The following HCN1 variants were observed in gnomAD, a reference collection of about 807,000 sequenced individuals.
The protein encoded by HCN1 is hyperpolarization activated cyclic nucleotide gated potassium channel 1.
HCN1 carries 13 observed loss-of-function variants against 78.9 expected under a neutral mutation model. The observed-to-expected ratio is 0.16, with a 90% confidence interval of 0.11 to 0.26. The LOEUF (loss-of-function observed/expected upper bound fraction) is 0.26. Ranked by LOEUF, HCN1 falls within the 10% of genes least tolerant of loss-of-function variation. The pLI is 1.00. For synonymous variants in HCN1, 552 were observed against 455.5 expected (o/e 1.21, Z -2.70); for missense variants, 810 against 1,154.3 (o/e 0.70, Z 4.32).
At chr5:45,610,329 T>A (rs1164845919) in intron 2 of HCN1, among the ~76,000 whole-genome samples, 4 of 151,944 alleles carry the variant, frequency 2.6e-5, no homozygotes, top group Non-Finnish European at 5.9e-5. Context: ...TATGTCTGCA[T>A]AACAATAAAT....
intron 2 of HCN1, among the ~76,000 whole-genome samples, chr5:45,479,764 G>A (rs2111671684): frequency 6.6e-6 from 1 of 152,214 alleles, no homozygotes; most frequent in South Asian, 2.1e-4. Context: ...TTAACCCATT[G>A]GAAATATCCT....
At chr5:45,682,963 T>G (rs1322414158) in intron 1 of HCN1, among the ~76,000 whole-genome samples, 1 of 152,110 alleles carries the variant, frequency 6.6e-6, no homozygotes, top group African/African-American at 2.4e-5. Flanking sequence ...TTTTCAATAT[T>G]TGTAAAATAT....
At chr5:45,390,992 G>T (rs778907252) in intron 4 of HCN1, among the ~76,000 whole-genome samples, 2 of 152,014 alleles carry the variant, frequency 1.3e-5, no homozygotes, top group African/African-American at 4.8e-5. Flanking sequence ...GATCTCCCTC[G>T]CCTGAGAACG....
chr5:45,657,535 T>G (rs1305675377), intron 1 of HCN1, among the ~76,000 whole-genome samples: 1 of 152,176 alleles, frequency 6.6e-6, no homozygotes, highest in East Asian at 1.9e-4. Context: ...ATTTATAAAT[T>G]TACTAAGTTC....
chr5:45,292,692 A>G (rs1181908374), intron 6 of HCN1, among the ~76,000 whole-genome samples: 2 of 152,016 alleles, frequency 1.3e-5, no homozygotes, highest in East Asian at 1.9e-4. Context: ...AAGAATGAGA[A>G]TAATATTAAA....
chr5:45,671,942 G>A (rs962545321), intron 1 of HCN1, among the ~76,000 whole-genome samples: 2 of 151,476 alleles, frequency 1.3e-5, no homozygotes, highest in African/African-American at 2.4e-5. Context: ...ATTCACATAA[G>A]ATATTTACGC....
At chr5:45,264,697 C>G (rs1404003470) in intron 7 of HCN1, among the ~76,000 whole-genome samples, 1 of 151,988 alleles carries the variant, frequency 6.6e-6, no homozygotes, top group African/African-American at 2.4e-5. Flanking sequence ...GCCACAAAAC[C>G]GAGAAGCATA....
intron 2 of HCN1, among the ~76,000 whole-genome samples, chr5:45,545,008 C>G (rs1743182430): frequency 6.6e-6 from 1 of 151,966 alleles, no homozygotes; most frequent in Non-Finnish European, 1.5e-5. Context: ...GTTCTAGATC[C>G]CTGAGGAATC....
intron 3 of HCN1, among the ~76,000 whole-genome samples, chr5:45,402,295 T>C (rs931836486): frequency 2.3e-4 from 35 of 152,164 alleles, no homozygotes; most frequent in Non-Finnish European, 4.0e-4. Context: ...GGAAGATTGA[T>C]CAGGCAGAAT....
chr5:45,283,602 C>T (rs1353800773), intron 6 of HCN1, among the ~76,000 whole-genome samples: 2 of 152,076 alleles, frequency 1.3e-5, no homozygotes, highest in African/African-American at 2.4e-5. Flanking sequence ...TACCATCTCA[C>T]ACTAGTCAGA....
chr5:45,632,265 A>C (rs1441938838), intron 2 of HCN1, among the ~76,000 whole-genome samples: 1 of 151,468 alleles, frequency 6.6e-6, no homozygotes, highest in Non-Finnish European at 1.5e-5. Context: ...CCTTGATCCA[A>C]TGCTAATGTT....
intron 5 of HCN1, among the ~76,000 whole-genome samples, chr5:45,351,257 G>T (rs1316634938): frequency 6.6e-6 from 1 of 150,968 alleles, no homozygotes; most frequent in Non-Finnish European, 1.5e-5. Flanking sequence ...ACAAACCTGA[G>T]AAAAACAAGC....
chr5:45,357,655 A>C (rs1214086993), intron 4 of HCN1, among the ~76,000 whole-genome samples: 4 of 151,976 alleles, frequency 2.6e-5, no homozygotes, highest in African/African-American at 9.7e-5. Context: ...TACCCTCTAG[A>C]TTTAGTTTCA....
Position 45,255,053 on chromosome 5 carries a change from A to G in HCN1, c.*6868T>C, listed in dbSNP as rs1198321160. 6.6e-6 allele frequency: 1 copy of G among 152,200 alleles called. No homozygotes were observed. Among genetic ancestry groups the G allele is most frequent in the African/African-American group, 2.4e-5 (1 of 41,444 alleles). The allele number at this position is 152,200 out of a possible 1,614,324, so 9.4% of individuals were successfully genotyped here. ...TTGTACTGATGTGATATTAAGAAAC[A>G]TTGCTAGCTATGGCACCAAAATTTA... On this transcript the variant is annotated 3_prime_UTR_variant, in exon 8 of 8. Transcript: ENST00000303230.
At chr5:45,498,004 TG>T (rs1742085399) in intron 2 of HCN1, among the ~76,000 whole-genome samples, 1 of 152,210 alleles carries the variant, frequency 6.6e-6, no homozygotes, top group South Asian at 2.1e-4. Flanking sequence ...CCTTTCTCTC[TG>T]GCTGCCCTTA....
chr5:45,323,892 C>T (rs1746178761), intron 5 of HCN1, among the ~76,000 whole-genome samples: 1 of 151,960 alleles, frequency 6.6e-6, no homozygotes. Flanking sequence ...GACATGAACT[C>T]ATCATTTTTA....
intron 5 of HCN1, among the ~76,000 whole-genome samples, chr5:45,326,225 C>T (rs1161066305): frequency 6.6e-6 from 1 of 151,588 alleles, no homozygotes; most frequent in Non-Finnish European, 1.5e-5. Context: ...ACTACATACC[C>T]ACATAAATTT....
chr5:45,282,289 T>C (rs1292333223), intron 6 of HCN1, among the ~76,000 whole-genome samples: 2 of 152,216 alleles, frequency 1.3e-5, no homozygotes, highest in African/African-American at 4.8e-5. Context: ...CCAATATCAA[T>C]GTAAAACATG....
intron 6 of HCN1, among the ~76,000 whole-genome samples, chr5:45,296,741 C>T (rs1745501706): frequency 6.6e-6 from 1 of 151,834 alleles, no homozygotes; most frequent in African/African-American, 2.4e-5. Flanking sequence ...TAAACATTAT[C>T]AACATCAAAA....
Sources: gnomAD v4.1 joint callset for allele counts (sites outside exome capture counted in the v4.1 genomes callset) on GRCh38, gnomAD v4.1.1 for gene constraint, MANE v1.5 for transcripts, NCBI Gene and HGNC (gene_info 2026-07-23, HGNC 2026-07-21) for gene names.